Variants in PTPN3 observed in about 807,000 individuals in gnomAD.
The protein encoded by PTPN3 is tyrosine-protein phosphatase non-receptor type 3.
Under a neutral mutation model 132.7 loss-of-function variants are expected in PTPN3, and 96 were observed. That is an observed-to-expected ratio of 0.72 (90% CI 0.61 to 0.86). PTPN3 has a LOEUF of 0.86. Among genes scored for constraint, PTPN3 ranks in the 40% least tolerant of loss-of-function variants. The probability of loss-of-function intolerance (pLI) is 0.00; values close to 1 mark genes in which losing one functional copy is unlikely to be tolerated. For synonymous variants in PTPN3, 398 were observed against 429.0 expected (o/e 0.93, Z 0.89); for missense variants, 1,125 against 1,159.6 (o/e 0.97, Z 0.43).
intron 1 of PTPN3, among the ~76,000 whole-genome samples, chr9:109,488,270 T>C (rs186791113): frequency 4.2e-4 from 64 of 152,150 alleles, no homozygotes; most frequent in African/African-American, 1.4e-3. Flanking sequence ...GTGTAATTTT[T>C]TGTATTTTTA....
At chr9:109,448,902 CAAAAAAAA>C in intron 5 of PTPN3, 47 bp from the exon 6 acceptor site, 1 of 1,014,356 alleles carries the variant, frequency 9.9e-7, no homozygotes, top group South Asian at 2.3e-5. Flanking sequence ...CTGAAATAAG[CAAAAAAAA>C]AAAAAAAAGA....
chr9:109,412,397 C>G (rs1042542516), intron 14 of PTPN3, among the ~76,000 whole-genome samples: 4 of 147,506 alleles, frequency 2.7e-5, no homozygotes, highest in East Asian at 2.0e-4. Flanking sequence ...TTTTTTGAGT[C>G]AAAGTCTCGC....
At chr9:109,431,103 C>A (rs1178884123) in intron 10 of PTPN3, among the ~76,000 whole-genome samples, 1 of 152,240 alleles carries the variant, frequency 6.6e-6, no homozygotes, top group Non-Finnish European at 1.5e-5. Context: ...ACACTGGAGG[C>A]AGGGGCCAGG....
At chr9:109,420,373 G>A (rs754906330) in intron 14 of PTPN3, 51 bp downstream of exon 14, 22 of 1,523,854 alleles carry the variant, frequency 1.4e-5, no homozygotes, top group Admixed American at 1.3e-4. Flanking sequence ...AGCAAATTCC[G>A]CAACAGCCAA....
At chr9:109,415,695 G>C (rs942883537) in intron 14 of PTPN3, among the ~76,000 whole-genome samples, 3 of 152,198 alleles carry the variant, frequency 2.0e-5, no homozygotes, top group Non-Finnish European at 2.9e-5. Context: ...AAATGTAAGA[G>C]ATGTCTGGGA....
At chr9:109,533,599 T>C in the PTPN3 span, 1 of 1,565,448 alleles carries the variant, frequency 6.4e-7, no homozygotes, top group Non-Finnish European at 8.8e-7. Flanking sequence ...CCCTGCGGAA[T>C]CGTGGTCTAT....
chr9:109,505,834 C>T, the PTPN3 span, among the ~76,000 whole-genome samples: 1,064 of 151,932 alleles, frequency 7.0e-3, 12 homozygotes, highest in African/African-American at 0.025. Flanking sequence ...ACTGCAAGCT[C>T]TGCCTCCCGG....
rs1842065816 is a variant in PTPN3, at chr9:109,411,359, C to T, written c.1314-944G>A. Reference sequence around the variant, plus strand: ...TGACCGATGTGCGTCCTAAGCCTTTCTTCCCTCTCCAGACCATGCAGAGCC... The same window carrying T: ...TGACCGATGTGCGTCCTAAGCCTTTTTTCCCTCTCCAGACCATGCAGAGCC... On this transcript the variant is annotated intron_variant, in intron 14 of 25. Transcript: ENST00000374541. Among the ~76,000 whole-genome samples the T allele has an allele frequency of 1.3e-5, 2 of 152,204 alleles. 1 individual carries two copies. Among genetic ancestry groups the T allele is most frequent in the Non-Finnish European group, 2.9e-5 (2 of 68,030 alleles).
At chr9:109,475,667 G>T (rs749332632) in intron 1 of PTPN3, among the ~76,000 whole-genome samples, 23 of 152,266 alleles carry the variant, frequency 1.5e-4, no homozygotes, top group Admixed American at 4.6e-4. Context: ...ACGCCCATTT[G>T]GGTGTCAGTC....
chr9:109,419,173 T>G (rs916469101), intron 14 of PTPN3, among the ~76,000 whole-genome samples: 5 of 152,220 alleles, frequency 3.3e-5, no homozygotes, highest in African/African-American at 1.2e-4. Flanking sequence ...AAGGAAAGAA[T>G]GACCACAGGG....
intron 1 of PTPN3, among the ~76,000 whole-genome samples, chr9:109,463,882 C>T (rs1023995192): frequency 3.9e-5 from 6 of 152,200 alleles, no homozygotes; most frequent in East Asian, 1.9e-4. Flanking sequence ...TGAGAGACAC[C>T]ATTTAGGGCA....
At chr9:109,417,545 T>C (rs1842615385) in intron 14 of PTPN3, 1 of 969,962 alleles carries the variant, frequency 1.0e-6, no homozygotes, top group South Asian at 4.8e-5. Context: ...TTTTTTTTTT[T>C]CTTTTTTTCT....
intron 7 of PTPN3, among the ~76,000 whole-genome samples, chr9:109,439,560 A>G (rs1310134119): frequency 1.3e-5 from 2 of 152,236 alleles, no homozygotes; most frequent in East Asian, 1.9e-4. Flanking sequence ...GGCCAATCTC[A>G]GAAGGGAAGT....
chr9:109,401,749 T>C (rs1196898400), intron 19 of PTPN3, among the ~76,000 whole-genome samples: 1 of 152,162 alleles, frequency 6.6e-6, no homozygotes, highest in Non-Finnish European at 1.5e-5. Flanking sequence ...CAGGTAGGCC[T>C]GTCTCTTTAT....
chr9:109,420,667 C>G, intron 13 of PTPN3, 67 bp from the exon 14 acceptor site: 1 of 1,487,534 alleles, frequency 6.7e-7, no homozygotes, highest in Non-Finnish European at 9.1e-7. Context: ...TTATTAGACA[C>G]CAGTGAACCT....
chr9:109,480,656 GC>G (rs893397812), intron 1 of PTPN3, among the ~76,000 whole-genome samples: 1 of 152,044 alleles, frequency 6.6e-6, no homozygotes, highest in Admixed American at 6.5e-5. Context: ...GAGTTTTATG[GC>G]TTTAGGGTCT....
chr9:109,519,492 A>G, the PTPN3 span, among the ~76,000 whole-genome samples: 3 of 152,236 alleles, frequency 2.0e-5, no homozygotes, highest in Non-Finnish European at 4.4e-5. Flanking sequence ...GAGCATCAGT[A>G]GTAATACCAG....
intron 25 of PTPN3, among the ~76,000 whole-genome samples, chr9:109,380,453 A>C (rs1460302526): frequency 6.6e-6 from 1 of 152,132 alleles, no homozygotes; most frequent in Non-Finnish European, 1.5e-5. Flanking sequence ...ACGGGGTTTC[A>C]CTATGTTAGC....
intron 11 of PTPN3, 129 bp downstream of exon 11, chr9:109,428,492 T>C: frequency 1.1e-6 from 1 of 892,308 alleles, no homozygotes; most frequent in Non-Finnish European, 1.7e-6. Context: ...ATGTTTCTAG[T>C]CCCAGCTACT....
Sources: allele counts gnomAD v4.1 joint callset (sites outside exome capture counted in the v4.1 genomes callset), GRCh38; gene constraint gnomAD v4.1.1; transcripts MANE v1.5; gene names NCBI Gene and HGNC (gene_info 2026-07-23, HGNC 2026-07-21).